NPEPPS: variants seen among roughly 807,000 people sequenced by gnomAD.
NPEPPS encodes aminopeptidase puromycin sensitive.
In NPEPPS, 14 loss-of-function variants were observed where a neutral mutation model predicts 115.5. The ratio of observed to expected loss-of-function variants is 0.12; its 90% CI spans 0.08 to 0.19. The LOEUF (loss-of-function observed/expected upper bound fraction) is 0.19, where lower values mean the gene tolerates loss of function less well. NPEPPS is among the 10% of genes least tolerant of loss of function. The probability of loss-of-function intolerance (pLI) is 1.00; values close to 1 mark genes in which losing one functional copy is unlikely to be tolerated. For synonymous variants in NPEPPS, 285 were observed against 390.6 expected (o/e 0.73, Z 3.19); for missense variants, 523 against 1,110.8 (o/e 0.47, Z 7.52).
intron 1 of NPEPPS, among the ~76,000 whole-genome samples, chr17:47,532,086 AGG>A (rs901610779): frequency 6.6e-6 from 1 of 150,672 alleles, no homozygotes; most frequent in Admixed American, 6.6e-5. Flanking sequence ...AGCTTCTAGA[AGG>A]GGGGGGAGAG....
chr17:47,594,631 G>GTTATGTTATGTTATGTTATGTTA (rs1555610751), intron 12 of NPEPPS, among the ~76,000 whole-genome samples: 7 of 125,742 alleles, frequency 5.6e-5, no homozygotes, highest in African/African-American at 2.0e-4. Context: ...GTTATGTTAT[G>GTTATGTTATGTTATGTTATGTTA]TTATGTTATG....
At chr17:47,619,860 T>A in intron 22 of NPEPPS, 76 bp downstream of exon 22, 1 of 1,112,294 alleles carries the variant, frequency 9.0e-7, no homozygotes. Flanking sequence ...ATTATAGTGT[T>A]GGGATAATGT....
chr17:47,544,580 C>T (rs533144846), intron 1 of NPEPPS, among the ~76,000 whole-genome samples: 6 of 150,818 alleles, frequency 4.0e-5, no homozygotes, highest in Admixed American at 4.0e-4. Context: ...TGTTACCAGG[C>T]TGGAGTGTAG....
At chr17:47,594,099 G>T (rs965200029) in intron 12 of NPEPPS, among the ~76,000 whole-genome samples, 8 of 152,142 alleles carry the variant, frequency 5.3e-5, no homozygotes, top group African/African-American at 1.9e-4. Context: ...AAGCTGCAGT[G>T]AGCTGTGATT....
chr17:47,538,410 C>T (rs1352135105), intron 1 of NPEPPS, among the ~76,000 whole-genome samples: 3 of 150,410 alleles, frequency 2.0e-5, no homozygotes, highest in South Asian at 2.1e-4. Flanking sequence ...GACCAGGTTT[C>T]GCCATGTTAG....
intron 3 of NPEPPS, among the ~76,000 whole-genome samples, chr17:47,571,294 G>C (rs1911175802): frequency 6.6e-6 from 1 of 151,970 alleles, no homozygotes; most frequent in Non-Finnish European, 1.5e-5. Context: ...TATATCTTTT[G>C]TCTGATTTTC....
chr17:47,587,463 A>G (rs372152374), intron 9 of NPEPPS, 119 bp downstream of exon 9: 63 of 845,144 alleles, frequency 7.5e-5, no homozygotes, highest in African/African-American at 4.4e-4. Context: ...TGAGTGATAG[A>G]AAAGTATTAT....
intron 12 of NPEPPS, among the ~76,000 whole-genome samples, chr17:47,593,452 A>C (rs1302019323): frequency 1.3e-5 from 2 of 152,116 alleles, no homozygotes; most frequent in Admixed American, 1.3e-4. Context: ...CCAGCTACTC[A>C]GGAGGCTGAA....
chr17:47,598,763 G>GTTTC (rs1913023189), intron 13 of NPEPPS, among the ~76,000 whole-genome samples: 1 of 152,208 alleles, frequency 6.6e-6, no homozygotes, highest in African/African-American at 2.4e-5. Context: ...TACTGAAACT[G>GTTTC]TTTCCATCCA....
chr17:47,605,468 T>C lies in NPEPPS; in HGVS notation c.2011T>C (p.Phe671Leu), dbSNP rs1913457727. The C allele has an allele frequency of 1.2e-6, 2 of 1,608,108 alleles. No homozygotes were observed. The highest frequency in any genetic ancestry group is 1.7e-6 in the Non-Finnish European group (2 of 1,177,074). The change falls in exon 17 of 23, where the codon TTC (phenylalanine) becomes CTC (leucine). Residue 671 changes from phenylalanine (F) to leucine (L), a missense_variant. By Grantham distance (22) the Phe-to-Leu change is conservative. Around this residue, in one of 4 missense-constraint regions of NPEPPS, gnomAD observed 372 missense variants for 542.6 expected, o/e 0.69. Transcript: ENST00000322157. ...CTCAACTCTCTTGTCCCACACAGAC[T>C]TCTATGAGGAAATCCAGGAGTTTGT... ...ILSTLLSHTDFYEEIQEFVKD... is the reference protein window; with the variant it reads ...ILSTLLSHTDLYEEIQEFVKD...
Position 47,585,447 on chromosome 17 carries a change from C to G in NPEPPS, c.649-53C>G, listed in dbSNP as rs974405159. On this transcript the variant is annotated intron_variant, in intron 5 of 22. Coordinates refer to ENST00000322157, the MANE Select transcript of NPEPPS (RefSeq NM_006310.4). ...CTACAGTTTTTGGCTGGTATTTGCTCTATGGTATTAATGTAAACCTATTTA... is the reference window on the plus strand; with the variant it reads ...CTACAGTTTTTGGCTGGTATTTGCTGTATGGTATTAATGTAAACCTATTTA... 5 of 1,319,536 alleles carry G rather than the reference C, an allele frequency of 3.8e-6. No individual in the cohort carries two copies. In the African/African-American group the frequency reaches 4.4e-5, roughly 12 times the overall value. 81.7% of individuals were successfully genotyped at this position (1,319,536 alleles called of 1,614,324 possible).
At chr17:47,596,146 G>C (rs763490856) in intron 12 of NPEPPS, 27 of 431,468 alleles carry the variant, frequency 6.3e-5, no homozygotes, top group Non-Finnish European at 1.1e-4. Flanking sequence ...AAGTAAGACC[G>C]TATCTCAAAA....
chr17:47,585,862 C>T, intron 6 of NPEPPS, 162 bp downstream of exon 6: 1 of 651,724 alleles, frequency 1.5e-6, no homozygotes, highest in Non-Finnish European at 2.6e-6. Flanking sequence ...CTTGGTGTTT[C>T]ATTATTTTAC....
intron 2 of NPEPPS, among the ~76,000 whole-genome samples, chr17:47,553,490 A>G (rs1435701560): frequency 1.3e-5 from 2 of 152,160 alleles, no homozygotes; most frequent in Non-Finnish European, 2.9e-5. Flanking sequence ...GAAAATCTAG[A>G]TAAATGGAGT....
chr17:47,562,978 C>G (rs140885518), intron 2 of NPEPPS, among the ~76,000 whole-genome samples: 1 of 149,654 alleles, frequency 6.7e-6, no homozygotes, highest in East Asian at 2.0e-4. Flanking sequence ...ATATACTTCT[C>G]TTTTGATTTT....
chr17:47,547,352 C>CTT, intron 2 of NPEPPS, among the ~76,000 whole-genome samples: 1 of 143,744 alleles, frequency 7.0e-6, no homozygotes. Flanking sequence ...TTGCTTTTTA[C>CTT]TTTTTTTTTT....
Position 47,531,497 on chromosome 17 carries a change from G to A in NPEPPS, c.197G>A (p.Cys66Tyr). The A allele has an allele frequency of 1.9e-6, 3 of 1,608,840 alleles. No homozygotes were observed. Among genetic ancestry groups the A allele is most frequent in the Non-Finnish European group, 2.5e-6 (3 of 1,178,570 alleles). ...ADVSPINYSL[C>Y]LKPDLLDFTF... ...GTCTCCCCCATCAACTACAGCCTTT[G>A]CCTCAAGCCCGACTTGCTGGACTTC... Residue 66 changes from cysteine to tyrosine, a missense_variant, in exon 1 of 23, where the codon TGC becomes TAC. By Grantham distance (194) the Cys-to-Tyr change is radical. Coordinates refer to ENST00000322157, the MANE Select transcript of NPEPPS (RefSeq NM_006310.4).
intron 2 of NPEPPS, among the ~76,000 whole-genome samples, chr17:47,555,637 G>A (rs1343285613): frequency 2.0e-5 from 3 of 151,840 alleles, no homozygotes; most frequent in Non-Finnish European, 4.4e-5. Context: ...ACAAGCCACC[G>A]CGCCCGGCCA....
chr17:47,532,520 G>A (rs1907882295), intron 1 of NPEPPS, among the ~76,000 whole-genome samples: 1 of 151,968 alleles, frequency 6.6e-6, no homozygotes, highest in African/African-American at 2.4e-5. Context: ...GGGGCGTGGT[G>A]GCGGGCCCCT....
Sources: allele counts gnomAD v4.1 joint callset (sites outside exome capture counted in the v4.1 genomes callset), GRCh38; gene constraint gnomAD v4.1.1; regional missense constraint gnomAD v4.1.1; transcripts MANE v1.5; gene names NCBI Gene and HGNC (gene_info 2026-07-23, HGNC 2026-07-21).